The following KCNQ1 variants were observed in gnomAD, a reference collection of about 807,000 sequenced individuals.
The protein encoded by KCNQ1 is potassium voltage-gated channel subfamily Q member 1.
A neutral mutation model predicts 72.4 loss-of-function variants in KCNQ1; 49 were observed. The ratio of observed to expected loss-of-function variants is 0.68; its 90% CI spans 0.54 to 0.86. The LOEUF (loss-of-function observed/expected upper bound fraction) is 0.86. Among genes scored for constraint, KCNQ1 ranks in the 40% least tolerant of loss-of-function variants. The probability of loss-of-function intolerance (pLI) is 0.00; values close to 1 mark genes in which losing one functional copy is unlikely to be tolerated. For missense variants in KCNQ1, 790 were observed against 945.1 expected (o/e 0.84, Z 2.15); for synonymous variants, 450 against 412.6 (o/e 1.09, Z -1.10).
At chr11:2,534,518 C>T (rs1024937870) in intron 2 of KCNQ1, among the ~76,000 whole-genome samples, 1 of 152,230 alleles carries the variant, frequency 6.6e-6, no homozygotes, top group Non-Finnish European at 1.5e-5. Flanking sequence ...CTGCCTGCCT[C>T]GCCCTGCCTG....
At chr11:2,716,714 A>G (rs940914495) in intron 11 of KCNQ1, among the ~76,000 whole-genome samples, 5 of 152,250 alleles carry the variant, frequency 3.3e-5, no homozygotes, top group Non-Finnish European at 7.3e-5. Flanking sequence ...CAGCCGTGAA[A>G]GGCACGGGCA....
chr11:2,787,371 C>G lies in KCNQ1; in HGVS notation c.1794+9334C>G, dbSNP rs752546097. Among the ~76,000 whole-genome samples, 1 of 152,108 alleles carries G rather than the reference C, an allele frequency of 6.6e-6. No individual in the cohort carries two copies. Among genetic ancestry groups the G allele is most frequent in the Non-Finnish European group, 1.5e-5 (1 of 68,014 alleles). Reference sequence around the variant, plus strand: ...GCAGGCCTGGGCTTTGACACATAATCATCTATTCCTGGTGAAACCAAAGCT... The same window carrying G: ...GCAGGCCTGGGCTTTGACACATAATGATCTATTCCTGGTGAAACCAAAGCT... On this transcript the variant is annotated intron_variant, in intron 15 of 15. Coordinates refer to ENST00000155840, the MANE Select transcript of KCNQ1 (RefSeq NM_000218.3). This position sits in a 1 kb window ranked among gnomAD's most constrained non-coding sequence, Gnocchi z 6.3.
intron 11 of KCNQ1, chr11:2,685,223 G>A: frequency 2.5e-6 from 1 of 398,654 alleles, no homozygotes. Context: ...ACACACGGAG[G>A]CACTACTTCA....
At chr11:2,726,751 G>A (rs184633249) in intron 11 of KCNQ1, among the ~76,000 whole-genome samples, 9 of 152,296 alleles carry the variant, frequency 5.9e-5, no homozygotes, top group East Asian at 1.9e-4. Context: ...TTTTAAAGCC[G>A]GCTTTCCCAT....
At chr11:2,575,820 GGA>G (rs1848414938) in intron 6 of KCNQ1, among the ~76,000 whole-genome samples, 1 of 152,212 alleles carries the variant, frequency 6.6e-6, no homozygotes, top group Non-Finnish European at 1.5e-5. Flanking sequence ...AGAGGGTGCT[GGA>G]GCTGCCACAA....
chr11:2,748,070 CCA>C lies in KCNQ1; in HGVS notation c.1515-20770_1515-20769del, dbSNP rs1391936774. On this transcript the variant is annotated intron_variant, in intron 11 of 15. Transcript: ENST00000155840. This position sits in a 1 kb window ranked among gnomAD's most constrained non-coding sequence, Gnocchi z 6.2. ...TGATTTTCAGAAAACCATGGCTCAC[CCA>C]CACTCTACCCTAGGAAAGGGCAGGT... Among the ~76,000 whole-genome samples, 1 of 152,150 alleles carries C rather than the reference CCA, an allele frequency of 6.6e-6. No homozygotes were observed. The highest frequency in any genetic ancestry group is 1.5e-5 in the Non-Finnish European group (1 of 68,018).
intron 15 of KCNQ1, among the ~76,000 whole-genome samples, chr11:2,822,057 G>C (rs577034007): frequency 6.6e-6 from 1 of 152,356 alleles, no homozygotes; most frequent in East Asian, 1.9e-4. Flanking sequence ...GGAGAAGACA[G>C]GGGGATGGAA....
chr11:2,662,166 C>T, intron 11 of KCNQ1, 85 bp downstream of exon 11: 2 of 1,585,640 alleles, frequency 1.3e-6, no homozygotes, highest in Admixed American at 1.7e-5. Flanking sequence ...AAGCCTTGCT[C>T]TCTGGCCAGA....
chr11:2,511,354 T>C (rs182676822), intron 1 of KCNQ1, among the ~76,000 whole-genome samples: 14 of 152,258 alleles, frequency 9.2e-5, no homozygotes, highest in Middle Eastern at 3.4e-3. Context: ...GATTCCTGTT[T>C]CTGAATGCCC....
At position 2,602,293 on chromosome 11, in the gene KCNQ1, C is replaced by T. The variant is rs749493026; in HGVS notation, c.1393+13439C>T. Among the ~76,000 whole-genome samples the T allele has an allele frequency of 2.7e-5, 4 of 150,880 alleles. No homozygotes were observed. Among genetic ancestry groups the T allele is most frequent in the African/African-American group, 2.4e-5 (1 of 41,280 alleles). ...AGAACTGTGAGAAAAAAAAAAAAAG[C>T]GTGTCTTGTTTTAAGCCACTAAGTT... On this transcript the variant is annotated intron_variant, in intron 10 of 15. Coordinates refer to ENST00000155840, the MANE Select transcript of KCNQ1 (RefSeq NM_000218.3). This position sits in a 1 kb window ranked among gnomAD's most constrained non-coding sequence, Gnocchi z 4.8.
Position 2,703,301 on chromosome 11 carries a change from C to CA in KCNQ1, c.1514+41221dup, listed in dbSNP as rs969553001. Among the ~76,000 whole-genome samples, 1 of 152,176 alleles carries CA rather than the reference C, an allele frequency of 6.6e-6. No homozygotes were observed. The highest frequency in any genetic ancestry group is 2.4e-5 in the African/African-American group (1 of 41,450). On this transcript the variant is annotated intron_variant, in intron 11 of 15. Transcript: ENST00000155840. The surrounding 1 kb of genome is among the most constrained non-coding windows in gnomAD (Gnocchi z 6.4). ...CAAGGCTGCAGGGGTGGGTGTGAGA[C>CA]AGAGAGCCTGGGCACCTGGTGGCCA...
intron 1 of KCNQ1, among the ~76,000 whole-genome samples, chr11:2,467,304 G>A (rs1846366053): frequency 6.6e-6 from 1 of 152,140 alleles, no homozygotes; most frequent in Non-Finnish European, 1.5e-5. Context: ...AGGGAGGCAG[G>A]GGCCCAGGAG....
At chr11:2,522,549 C>A (rs1188130876) in intron 1 of KCNQ1, among the ~76,000 whole-genome samples, 2 of 152,224 alleles carry the variant, frequency 1.3e-5, no homozygotes, top group African/African-American at 2.4e-5. Context: ...CCGCCCGAGA[C>A]AAGAATAGAT....
rs1439162050 is a variant in KCNQ1 at position 2,451,465 on chromosome 11, T to C, written c.386+5981T>C. On this transcript the variant is annotated intron_variant, in intron 1 of 15. Coordinates refer to ENST00000155840, the MANE Select transcript of KCNQ1 (RefSeq NM_000218.3). This position sits in a 1 kb window ranked among gnomAD's most constrained non-coding sequence, Gnocchi z 6.4. ...GGTTGGAGAACCCTGTCTTAGAGGA[T>C]TGAGGCTCGGGGCCATGGGATCGGC... is the stretch of plus-strand genomic sequence containing the variant. 3.3e-5 allele frequency among the ~76,000 whole-genome samples: 5 copies of C among 152,156 alleles called. No homozygotes were observed. The highest frequency in any genetic ancestry group is 9.7e-5 in the African/African-American group (4 of 41,430).
chr11:2,486,618 A>G lies in KCNQ1; in HGVS notation c.386+41134A>G, dbSNP rs937367461. On this transcript the variant is annotated intron_variant, in intron 1 of 15. Coordinates refer to ENST00000155840, the MANE Select transcript of KCNQ1 (RefSeq NM_000218.3). This position sits in a 1 kb window ranked among gnomAD's most constrained non-coding sequence, Gnocchi z 5.0. ...GTAATTTATAAAGAAAAGAGGTTTA[A>G]TTGGCTTATGGTTCTGCAGGCTGTA... Among the ~76,000 whole-genome samples, 1 of 152,208 alleles carries G rather than the reference A, an allele frequency of 6.6e-6. No homozygotes were observed. The highest frequency in any genetic ancestry group is 1.9e-4 in the East Asian group (1 of 5,194).
chr11:2,529,724 G>A (rs1046214149), intron 2 of KCNQ1, among the ~76,000 whole-genome samples: 6 of 152,104 alleles, frequency 3.9e-5, no homozygotes, highest in Non-Finnish European at 7.4e-5. Context: ...CATCTTTTGC[G>A]TTTCCAGATA....
chr11:2,711,924 GCTGCTCAC>G lies in KCNQ1; in HGVS notation c.1514+49855_1514+49862del, dbSNP rs1325146428. On this transcript the variant is annotated intron_variant, in intron 11 of 15. Coordinates refer to ENST00000155840, the MANE Select transcript of KCNQ1 (RefSeq NM_000218.3). The surrounding 1 kb of genome is among the most constrained non-coding windows in gnomAD (Gnocchi z 5.4). The stretch of plus-strand genomic sequence containing the variant: ...GCATGGCAGGTGGCAGGTGGCTGGG[GCTGCTCAC>G]CTGCTCACCTGTGTCCATCCCCTTG... 6.6e-6 allele frequency among the ~76,000 whole-genome samples: 1 copy of G among 152,128 alleles called. No individual in the cohort carries two copies. Among genetic ancestry groups the G allele is most frequent in the African/African-American group, 2.4e-5 (1 of 41,430 alleles).
intron 15 of KCNQ1, among the ~76,000 whole-genome samples, chr11:2,793,688 G>A (rs934403227): frequency 1.3e-5 from 2 of 152,114 alleles, no homozygotes; most frequent in African/African-American, 4.8e-5. Flanking sequence ...GGAGGGACCA[G>A]AAGTCACAAG....
rs1006262033 is a variant in KCNQ1 at position 2,760,097 on chromosome 11, G to A, written c.1515-8747G>A. ...CCCAGTGACGTGTGTTGAATGTGGC[G>A]CTGGCCCCTTGGGCAGCCCAGCAGC... On this transcript the variant is annotated intron_variant, in intron 11 of 15. Coordinates refer to ENST00000155840, the MANE Select transcript of KCNQ1 (RefSeq NM_000218.3). 7.9e-5 allele frequency among the ~76,000 whole-genome samples: 12 copies of A among 152,180 alleles called. No individual in the cohort carries two copies. In the East Asian group the frequency reaches 1.5e-3, roughly 20 times the overall value.
Sources: gnomAD v4.1 joint callset for allele counts (sites outside exome capture counted in the v4.1 genomes callset) on GRCh38, gnomAD v4.1.1 for gene constraint, Gnocchi (gnomAD v3.1) non-coding constraint, MANE v1.5 for transcripts, NCBI Gene and HGNC (gene_info 2026-07-23, HGNC 2026-07-21) for gene names.